Variants in TAF1 observed in about 807,000 individuals in gnomAD.
TAF1 encodes TATA-box binding protein associated factor 1, also known as transcription initiation factor TFIID subunit 1.
Under a neutral mutation model 138.5 loss-of-function variants are expected in TAF1, and 2 were observed. The observed-to-expected ratio is 0.01, with a 90% CI of 0.01 to 0.05. The LOEUF (loss-of-function observed/expected upper bound fraction) is 0.05, where lower values mean the gene tolerates loss of function less well. Ranked by LOEUF, TAF1 falls within the 10% of genes least tolerant of loss-of-function variation. TAF1 has a pLI of 1.00. For missense variants in TAF1, 709 were observed against 1,478.0 expected (o/e 0.48, Z 8.53); for synonymous variants, 437 against 503.2 (o/e 0.87, Z 1.76).
At chrX:71,449,149 C>T (rs1374915439) in intron 32 of TAF1, among the ~76,000 whole-genome samples, 4 of 112,336 alleles carry the variant, frequency 3.6e-5, no homozygotes, top group East Asian at 5.6e-4. Flanking sequence ...TGTGCCACCA[C>T]GCCTGGCTAA....
intron 12 of TAF1, among the ~76,000 whole-genome samples, chrX:71,383,416 A>C (rs943386257): frequency 8.0e-5 from 9 of 112,396 alleles, no homozygotes; most frequent in African/African-American, 2.9e-4. Flanking sequence ...AAAGTTTAAA[A>C]AAATGGCGAA....
rs2038659556 is a variant in TAF1, at chrX:71,463,962, C to T, written c.5538C>T (p.Ser1846=). The T allele has an allele frequency of 8.3e-7, 1 of 1,203,471 alleles. No homozygotes were observed. The highest frequency in any genetic ancestry group is 1.1e-6 in the Non-Finnish European group (1 of 891,651). The change falls in exon 38 of 38, where the codon AGC becomes AGT. Residue 1846 remains serine (S), a synonymous_variant. Transcript: ENST00000423759. ...EEQRSGPSVL[S]QVHLSEDEED... ...AGCGCTCTGGGCCGAGCGTACTAAG[C>T]CAGGTCCACCTGTCAGAGGACGAGG... is the stretch of plus-strand genomic sequence containing the variant.
intron 13 of TAF1, chrX:71,528,332 G>T: frequency 3.7e-6 from 1 of 270,408 alleles, no homozygotes; most frequent in Non-Finnish European, 6.9e-6. Flanking sequence ...CACTACTTTG[G>T]ACAGAATCAT....
chrX:71,402,616 C>CAG (rs2035240430), intron 25 of TAF1, among the ~76,000 whole-genome samples: 1 of 112,108 alleles, frequency 8.9e-6, no homozygotes. Flanking sequence ...GTCTTGCCCT[C>CAG]AGAGAGTTTA....
chrX:71,460,077 A>G (rs1369605831), intron 36 of TAF1, among the ~76,000 whole-genome samples: 1 of 111,453 alleles, frequency 9.0e-6, no homozygotes, highest in Admixed American at 9.6e-5. Flanking sequence ...TGTCTCTACA[A>G]AAAGTAAATA....
In TAF1 at chrX:71,503,326, G is replaced by A. The variant is rs1269997330; in HGVS notation, c.1367-25216G>A. On this transcript the variant is annotated intron_variant and NMD_transcript_variant, in intron 13 of 14. Coordinates refer to the TAF1 transcript ENST00000373775. ...TATATATATATATATATATATGTGT[G>A]TGTATATATATATATATGTGTATAT... Among the ~76,000 whole-genome samples, 11 of 92,650 alleles carry A rather than the reference G, an allele frequency of 1.2e-4. 1 individual carries two copies. The highest frequency in any genetic ancestry group is 5.0e-4 in the African/African-American group (11 of 22,063). The allele number at this position is 92,650 out of a possible 115,157, so 80.5% of individuals were successfully genotyped here.
Position 71,366,514 on chromosome X carries a change from G to A in TAF1, c.120+20G>A. 1 of 976,652 alleles carries A rather than the reference G, an allele frequency of 1.0e-6. No homozygotes were observed. 80.5% of individuals were successfully genotyped at this position (976,652 alleles called of 1,213,427 possible). ...GATGATGTGAGGGGGTGGGCGTGGGGGTAGGGCTCGGGGGGTGGGGCTAAG... is the reference window on the plus strand; with the variant it reads ...GATGATGTGAGGGGGTGGGCGTGGGAGTAGGGCTCGGGGGGTGGGGCTAAG... On this transcript the variant is annotated intron_variant, in intron 1 of 37. Transcript: ENST00000423759.
chrX:71,422,393 G>T (rs1209616288), intron 29 of TAF1, among the ~76,000 whole-genome samples: 1 of 107,764 alleles, frequency 9.3e-6, no homozygotes, highest in Non-Finnish European at 1.9e-5. Context: ...GATGACCTTG[G>T]CTCACTGCAA....
Position 71,394,106 on chromosome X carries a change from C to G in TAF1, c.3267C>G (p.Asp1089Glu). The G allele has an allele frequency of 8.3e-7, 1 of 1,211,538 alleles. No individual in the cohort carries two copies. The highest frequency in any genetic ancestry group is 1.1e-6 in the Non-Finnish European group (1 of 895,452). Residue 1089 changes from aspartate to glutamate, a missense_variant, in exon 22 of 38, where the codon GAC (aspartate) becomes GAG (glutamate). Transcript: ENST00000423759. ...CTGAAGTCTTATCAACTGACACAGA[C>G]AGCAGCTCAGCTGAAGATAGTGACT... Reference protein sequence around the residue: ...SSTEVLSTDTDSSSAEDSDFE... With the variant: ...SSTEVLSTDTESSSAEDSDFE...
chrX:71,377,918 T>A, intron 6 of TAF1, 97 bp downstream of exon 6: 2 of 935,574 alleles, frequency 2.1e-6, no homozygotes, highest in Middle Eastern at 3.2e-4. Context: ...AATAATACCA[T>A]AGCAGATAGA....
At chrX:71,458,075 T>C (rs1179489712) in intron 34 of TAF1, among the ~76,000 whole-genome samples, 166 bp from the exon 35 acceptor site, 1 of 112,902 alleles carries the variant, frequency 8.9e-6, no homozygotes. Flanking sequence ...AGGCAACATT[T>C]ATAAGAGTCC....
chrX:71,527,713 AGTT>A (rs2040024360), intron 13 of TAF1: 1 of 114,365 alleles, frequency 8.7e-6, no homozygotes, highest in East Asian at 2.8e-4. Flanking sequence ...AAACTGAAAC[AGTT>A]ATGGCATCAA....
chrX:71,481,100 G>A (rs1269007384), intron 13 of TAF1, among the ~76,000 whole-genome samples: 2 of 112,233 alleles, frequency 1.8e-5, no homozygotes, highest in African/African-American at 3.2e-5. Context: ...CCAACATGGC[G>A]AAACCCCATC....
rs753364507 is a variant in TAF1 at position 71,435,937 on chromosome X, G to A, written c.4753+11699G>A. On this transcript the variant is annotated intron_variant, in intron 32 of 37. Transcript: ENST00000423759. The stretch of plus-strand genomic sequence containing the variant: ...ACTTTTTAGAATAAAATCTGAAGTA[G>A]AAGGTAAATATTTAACTTTCTTTCC... Among the ~76,000 whole-genome samples the A allele has an allele frequency of 3.7e-5, 4 of 107,732 alleles. No homozygotes were observed. The East Asian group carries it at 1.2e-3, about 32-fold the overall frequency. 93.6% of individuals were successfully genotyped at this position (107,732 alleles called of 115,157 possible). A position where few individuals can be genotyped will look rare whatever the true frequency, so the allele number is the denominator to read the frequency against.
At chrX:71,387,539 C>A in intron 15 of TAF1, 78 bp downstream of exon 15, 2 of 1,123,316 alleles carry the variant, frequency 1.8e-6, no homozygotes, top group Non-Finnish European at 2.4e-6. Context: ...CGGCTCATGG[C>A]TGTAATCCCA....
intron 28 of TAF1, among the ~76,000 whole-genome samples, chrX:71,418,021 T>G (rs1242983074): frequency 8.9e-6 from 1 of 112,435 alleles, no homozygotes; most frequent in Non-Finnish European, 1.9e-5. Context: ...CATAAATACT[T>G]AAAGCATTTA....
chrX:71,431,446 A>C (rs772076943), intron 32 of TAF1, among the ~76,000 whole-genome samples: 7 of 111,027 alleles, frequency 6.3e-5, no homozygotes, highest in Non-Finnish European at 1.1e-4. Context: ...TCAAATAGGG[A>C]GTAGGGTACA....
intron 13 of TAF1, among the ~76,000 whole-genome samples, chrX:71,480,316 G>A (rs1437420776): frequency 9.0e-6 from 1 of 111,395 alleles, no homozygotes; most frequent in African/African-American, 3.3e-5. Context: ...GATCCCTTGA[G>A]CCCAGGAGTT....
At chrX:71,410,703 C>T (rs904780246) in intron 28 of TAF1, among the ~76,000 whole-genome samples, 2 of 110,662 alleles carry the variant, frequency 1.8e-5, no homozygotes, top group African/African-American at 6.6e-5. Flanking sequence ...GTGATCCACT[C>T]GCCTCGGCCT....
Sources: allele counts gnomAD v4.1 joint callset (sites outside exome capture counted in the v4.1 genomes callset), GRCh38; gene constraint gnomAD v4.1.1; transcripts MANE v1.5; gene names NCBI Gene and HGNC (gene_info 2026-07-23, HGNC 2026-07-21).